MAN2A1: variants seen among roughly 807,000 people sequenced by gnomAD.
The protein encoded by MAN2A1 is mannosidase alpha class 2A member 1, also known as alpha-mannosidase 2.
In MAN2A1, 76 loss-of-function variants were observed where a neutral mutation model predicts 142.6. The ratio of observed to expected loss-of-function variants is 0.53; its 90% confidence interval spans 0.44 to 0.65. The LOEUF (loss-of-function observed/expected upper bound fraction) is 0.65, where lower values mean the gene tolerates loss of function less well. Among genes scored for constraint, MAN2A1 ranks in the 30% least tolerant of loss-of-function variants. The pLI is 0.00. For synonymous variants in MAN2A1, 559 were observed against 473.2 expected (o/e 1.18, Z -2.35); for missense variants, 1,311 against 1,365.1 (o/e 0.96, Z 0.62).
chr5:109,852,476 G>A (rs1755509019), intron 19 of MAN2A1, among the ~76,000 whole-genome samples: 1 of 152,156 alleles, frequency 6.6e-6, no homozygotes, highest in African/African-American at 2.4e-5. Flanking sequence ...GATTTAACAG[G>A]ATCGTTTAAC....
At chr5:109,838,665 C>A (rs1458891062) in intron 16 of MAN2A1, among the ~76,000 whole-genome samples, 1 of 152,176 alleles carries the variant, frequency 6.6e-6, no homozygotes, top group Non-Finnish European at 1.5e-5. Context: ...CTCAGGGATA[C>A]CTCCTTGCTT....
intron 12 of MAN2A1, among the ~76,000 whole-genome samples, chr5:109,796,521 C>G (rs1200923534): frequency 1.3e-5 from 2 of 152,178 alleles, no homozygotes; most frequent in Non-Finnish European, 2.9e-5. Flanking sequence ...AGGGCTTCCA[C>G]TGTGTCCATA....
At chr5:109,734,160 G>A (rs567638903) in intron 4 of MAN2A1, among the ~76,000 whole-genome samples, 57 of 151,626 alleles carry the variant, frequency 3.8e-4, no homozygotes, top group Admixed American at 7.2e-4. Context: ...AGAGGTGTTT[G>A]TAGTATTCTC....
At chr5:109,750,934 G>A (rs1217481276) in intron 4 of MAN2A1, among the ~76,000 whole-genome samples, 3 of 152,050 alleles carry the variant, frequency 2.0e-5, no homozygotes, top group African/African-American at 7.2e-5. Flanking sequence ...ATCAAGTCAG[G>A]GTTGGGGCGT....
intron 5 of MAN2A1, among the ~76,000 whole-genome samples, chr5:109,762,579 C>T (rs988450026): frequency 6.6e-6 from 1 of 152,082 alleles, no homozygotes; most frequent in African/African-American, 2.4e-5. Context: ...CTCATTTCTG[C>T]AGTCCAGGCA....
At chr5:109,747,833 T>A (rs1449488168) in intron 4 of MAN2A1, among the ~76,000 whole-genome samples, 1 of 152,214 alleles carries the variant, frequency 6.6e-6, no homozygotes, top group Non-Finnish European at 1.5e-5. Context: ...CATAATTTTT[T>A]CATCACCATG....
chr5:109,708,400 TAGAG>T (rs1005288559), intron 1 of MAN2A1, among the ~76,000 whole-genome samples: 3 of 151,248 alleles, frequency 2.0e-5, no homozygotes, highest in African/African-American at 7.3e-5. Flanking sequence ...GGATAATGAG[TAGAG>T]AGAAACTTTT....
intron 3 of MAN2A1, among the ~76,000 whole-genome samples, chr5:109,724,167 T>G (rs1357461653): frequency 6.6e-6 from 1 of 152,178 alleles, no homozygotes; most frequent in Non-Finnish European, 1.5e-5. Context: ...AAGTTGCAGT[T>G]GAATATTGAA....
At chr5:109,821,043 A>G (rs1754609084) in intron 15 of MAN2A1, among the ~76,000 whole-genome samples, 1 of 152,172 alleles carries the variant, frequency 6.6e-6, no homozygotes, top group Non-Finnish European at 1.5e-5. Context: ...TCTTGACTAT[A>G]AAGGTAGTAA....
intron 1 of MAN2A1, among the ~76,000 whole-genome samples, chr5:109,701,650 G>C (rs1200444450): frequency 6.6e-6 from 1 of 152,174 alleles, no homozygotes; most frequent in Non-Finnish European, 1.5e-5. Context: ...CTGAGAATCT[G>C]TTTGAGGTAA....
At chr5:109,859,025 T>C (rs573030760) in intron 20 of MAN2A1, among the ~76,000 whole-genome samples, 103 of 152,242 alleles carry the variant, frequency 6.8e-4, no homozygotes, top group Non-Finnish European at 1.3e-3. Flanking sequence ...TCTGAGATTC[T>C]GATTCTATAG....
At chr5:109,778,213 T>C (rs1582887675) in intron 8 of MAN2A1, among the ~76,000 whole-genome samples, 1 of 152,248 alleles carries the variant, frequency 6.6e-6, no homozygotes, top group Middle Eastern at 3.4e-3. Context: ...ATTAATGCAA[T>C]TGATTTTTGC....
intron 18 of MAN2A1, among the ~76,000 whole-genome samples, chr5:109,847,197 A>T (rs1040023212): frequency 6.6e-6 from 1 of 152,200 alleles, no homozygotes; most frequent in Admixed American, 6.5e-5. Context: ...TAAATAGAGG[A>T]CTAGACAGTA....
At chr5:109,801,334 G>A (rs1754026189) in intron 12 of MAN2A1, among the ~76,000 whole-genome samples, 1 of 152,182 alleles carries the variant, frequency 6.6e-6, no homozygotes, top group Non-Finnish European at 1.5e-5. Context: ...GGAAGGTCAT[G>A]GCAGTTGGGA....
intron 4 of MAN2A1, among the ~76,000 whole-genome samples, chr5:109,752,596 TG>T (rs982870609): frequency 1.3e-5 from 2 of 152,038 alleles, no homozygotes; most frequent in African/African-American, 2.4e-5. Flanking sequence ...ATAGATAGAA[TG>T]GGGGGTACAG....
intron 4 of MAN2A1, among the ~76,000 whole-genome samples, chr5:109,741,321 G>A (rs1752261289): frequency 6.6e-6 from 1 of 152,100 alleles, no homozygotes; most frequent in Non-Finnish European, 1.5e-5. Flanking sequence ...TAGAACTAGG[G>A]TAATAGCATT....
intron 7 of MAN2A1, among the ~76,000 whole-genome samples, 171 bp downstream of exon 7, chr5:109,770,712 C>A (rs542950486): frequency 6.6e-6 from 1 of 151,896 alleles, no homozygotes; most frequent in African/African-American, 2.4e-5. Context: ...TTGACTATGC[C>A]GGTTATGTGT....
chr5:109,832,415 C>G (rs1053188206), intron 16 of MAN2A1, among the ~76,000 whole-genome samples: 7 of 151,936 alleles, frequency 4.6e-5, no homozygotes, highest in African/African-American at 1.7e-4. Flanking sequence ...GTTTAACAAA[C>G]CACATCCTGC....
At chr5:109,835,743 T>G (rs748250460) in intron 16 of MAN2A1, among the ~76,000 whole-genome samples, 2 of 152,170 alleles carry the variant, frequency 1.3e-5, no homozygotes, top group African/African-American at 2.4e-5. Context: ...GAGAGTGGTG[T>G]ATGGTTTATG....
Sources: gnomAD v4.1 joint callset for allele counts (sites outside exome capture counted in the v4.1 genomes callset) on GRCh38, gnomAD v4.1.1 for gene constraint, MANE v1.5 for transcripts, NCBI Gene and HGNC (gene_info 2026-07-23, HGNC 2026-07-21) for gene names.